RECQL5: variants seen among roughly 807,000 people sequenced by gnomAD.
The protein encoded by RECQL5 is ATP-dependent DNA helicase Q5.
In RECQL5, 88 loss-of-function variants were observed where a neutral mutation model predicts 103.4. The ratio of observed to expected loss-of-function variants is 0.85; its 90% CI spans 0.72 to 1.02. RECQL5 has a LOEUF of 1.02. Ranked by LOEUF, RECQL5 falls within the 50% of genes least tolerant of loss-of-function variation. RECQL5 has a pLI of 0.00. For synonymous variants in RECQL5, 552 were observed against 507.9 expected, an observed-to-expected ratio of 1.09 and a Z score of -1.17; for missense variants, 1,232 against 1,284.3, an observed-to-expected ratio of 0.96 and a Z score of 0.62.
chr17:75,658,576 G>T, intron 6 of RECQL5, 116 bp from the exon 7 acceptor site: 1 of 924,342 alleles, frequency 1.1e-6, no homozygotes, highest in Non-Finnish European at 1.7e-6. Flanking sequence ...GAGAGGGATA[G>T]TCCCAGAGTT....
At chr17:75,662,431 G>A (rs1362246605) in intron 4 of RECQL5, 48 bp downstream of exon 4, 7 of 1,574,690 alleles carry the variant, frequency 4.4e-6, no homozygotes, top group Admixed American at 1.8e-5. Flanking sequence ...CCATCACATC[G>A]CACCCCACTG....
chr17:75,654,531 C>G (rs990543290), intron 7 of RECQL5, among the ~76,000 whole-genome samples: 16 of 152,158 alleles, frequency 1.1e-4, no homozygotes, highest in African/African-American at 3.6e-4. Context: ...ACATGACATA[C>G]CAGGGGAAAG....
intron 3 of RECQL5, among the ~76,000 whole-genome samples, chr17:75,664,545 T>C (rs1181461674): frequency 6.6e-6 from 1 of 152,124 alleles, no homozygotes. Context: ...CAGAGTGATA[T>C]GCACCAGTGG....
chr17:75,656,401 A>C (rs1299133300), intron 7 of RECQL5, among the ~76,000 whole-genome samples: 1 of 151,968 alleles, frequency 6.6e-6, no homozygotes, highest in Non-Finnish European at 1.5e-5. Flanking sequence ...TTTGAAAAAA[A>C]CTCGTGTTAA....
Position 75,640,251 on chromosome 17 carries a change from T to G in RECQL5, c.1230-8583A>C. 6.4e-7 allele frequency: 1 copy of G among 1,551,442 alleles called. No individual in the cohort carries two copies. Among genetic ancestry groups the G allele is most frequent in the Non-Finnish European group, 8.7e-7 (1 of 1,146,904 alleles). On this transcript the variant is annotated intron_variant, in intron 8 of 19. Transcript: ENST00000317905. This position sits in a 1 kb window ranked among gnomAD's most constrained non-coding sequence, Gnocchi z 4.6. ...GAGATGCGCGCCGTGGGCGAGAGGC[T>G]GCTGCTCAAGCTGCAGAGACTGCCC...
intron 8 of RECQL5, among the ~76,000 whole-genome samples, chr17:75,643,485 C>T (rs563302190): frequency 9.8e-5 from 15 of 152,388 alleles, no homozygotes; most frequent in Admixed American, 1.3e-4. Flanking sequence ...CTGGCACACA[C>T]CAGGCCCGGC....
chr17:75,653,303 A>G (rs777200573), intron 7 of RECQL5, among the ~76,000 whole-genome samples: 1 of 152,186 alleles, frequency 6.6e-6, no homozygotes, highest in Non-Finnish European at 1.5e-5. Context: ...TGGGCACTAT[A>G]CATTTCAAAT....
At chr17:75,652,101 T>C (rs531099150) in intron 7 of RECQL5, among the ~76,000 whole-genome samples, 4 of 152,110 alleles carry the variant, frequency 2.6e-5, no homozygotes, top group Non-Finnish European at 4.4e-5. Flanking sequence ...GTGGTGCATG[T>C]CTGTGATCCC....
At chr17:75,651,778 A>C (rs1481993832) in intron 7 of RECQL5, among the ~76,000 whole-genome samples, 1 of 152,200 alleles carries the variant, frequency 6.6e-6, no homozygotes, top group East Asian at 1.9e-4. Context: ...CAAAGGGCCC[A>C]CAGACTGGCA....
intron 3 of RECQL5, 82 bp downstream of exon 3, chr17:75,664,969 C>A: frequency 6.9e-7 from 1 of 1,451,546 alleles, no homozygotes; most frequent in Non-Finnish European, 9.0e-7. Flanking sequence ...GGCAAAAGAC[C>A]AATAGAGAAG....
intron 8 of RECQL5, chr17:75,633,751 CCCCT>C: frequency 9.6e-7 from 1 of 1,042,420 alleles, no homozygotes. Flanking sequence ...CTGCAGGACT[CCCCT>C]CCACAGGCTC....
chr17:75,645,997 T>C lies in RECQL5; in HGVS notation c.1229+5189A>G, dbSNP rs148840343. 4.1e-3 allele frequency among the ~76,000 whole-genome samples: 624 copies of C among 152,314 alleles called. 4 individuals are homozygous for C. Among genetic ancestry groups the C allele is most frequent in the African/African-American group, 0.014 (600 of 41,574 alleles). On this transcript the variant is annotated intron_variant, in intron 8 of 19. Transcript: ENST00000317905. ...CAGTGCCTGGCATGGTTCCTGGCCA[T>C]AGCGGGCCCTCACATCCTAGCTTTT...
chr17:75,660,365 C>T (rs1011489976), intron 6 of RECQL5, among the ~76,000 whole-genome samples: 1 of 152,186 alleles, frequency 6.6e-6, no homozygotes, highest in East Asian at 1.9e-4. Flanking sequence ...CCACTGTGCC[C>T]GGCCAGGGAT....
At chr17:75,660,917 G>A (rs1261104607) in intron 6 of RECQL5, 38 bp downstream of exon 6, 3 of 1,495,392 alleles carry the variant, frequency 2.0e-6, no homozygotes, top group Non-Finnish European at 2.8e-6. Context: ...CCTGAGCCAG[G>A]CCCAGACCAG....
chr17:75,640,153 T>A lies in RECQL5; in HGVS notation c.1230-8485A>T, dbSNP rs560163685. 6.6e-7 allele frequency: 1 copy of A among 1,505,532 alleles called. No individual in the cohort carries two copies. Among genetic ancestry groups the A allele is most frequent in the East Asian group, 2.5e-5 (1 of 40,546 alleles). 93.3% of individuals were successfully genotyped at this position (1,505,532 alleles called of 1,614,324 possible). A position where few individuals can be genotyped will look rare whatever the true frequency, so the allele number is the denominator to read the frequency against. On this transcript the variant is annotated intron_variant, in intron 8 of 19. Coordinates refer to ENST00000317905, the MANE Select transcript of RECQL5 (RefSeq NM_004259.7). The surrounding 1 kb of genome is among the most constrained non-coding windows in gnomAD (Gnocchi z 4.6). ...AGCCGTGGAGGCTCCAGGTGTTCTC[T>A]CTGCCCCAGCAGAGCCCGGCAGGAG...
At chr17:75,629,868 G>T in intron 14 of RECQL5, 26 bp from the exon 15 acceptor site, 1 of 1,557,708 alleles carries the variant, frequency 6.4e-7, no homozygotes. Context: ...CAGGGAGGCT[G>T]TGGCACCCGC....
intron 8 of RECQL5, among the ~76,000 whole-genome samples, chr17:75,634,886 C>T (rs1475667427): frequency 2.0e-5 from 3 of 152,194 alleles, no homozygotes; most frequent in African/African-American, 4.8e-5. Context: ...GGAGGGACCA[C>T]GCTGGCAACC....
chr17:75,641,664 C>T (rs2059437076), intron 8 of RECQL5, among the ~76,000 whole-genome samples: 1 of 152,240 alleles, frequency 6.6e-6, no homozygotes, highest in South Asian at 2.1e-4. Context: ...CTGTGTTTGC[C>T]CAAAGGCAGG....
chr17:75,659,754 G>A (rs989920955), intron 6 of RECQL5, among the ~76,000 whole-genome samples: 14 of 152,300 alleles, frequency 9.2e-5, no homozygotes, highest in South Asian at 2.1e-4. Context: ...TGAGGTTCAC[G>A]AAGACCATGT....
Sources: gnomAD v4.1 joint callset for allele counts (sites outside exome capture counted in the v4.1 genomes callset) on GRCh38, gnomAD v4.1.1 for gene constraint, Gnocchi (gnomAD v3.1) non-coding constraint, MANE v1.5 for transcripts, NCBI Gene and HGNC (gene_info 2026-07-23, HGNC 2026-07-21) for gene names.